B3GALT1: variants seen among roughly 807,000 people sequenced by gnomAD.
B3GALT1 encodes the protein beta-1,3-galactosyltransferase 1, also known as UDP-Gal:betaGlcNAc beta 1,3-galactosyltransferase, polypeptide 1.
In B3GALT1, 10 loss-of-function variants were observed where a neutral mutation model predicts 23.2. That is an observed-to-expected ratio of 0.43 (90% confidence interval 0.27 to 0.73). The LOEUF is 0.73. Ranked by LOEUF, B3GALT1 falls within the 30% of genes least tolerant of loss-of-function variation. B3GALT1 has a pLI of 0.21. For missense variants in B3GALT1, 299 were observed against 405.4 expected, an observed-to-expected ratio of 0.74 and a Z score of 2.25; for synonymous variants, 156 against 141.5, an observed-to-expected ratio of 1.10 and a Z score of -0.73.
chr2:167,748,916 A>G (rs1687692399), intron 3 of B3GALT1, among the ~76,000 whole-genome samples: 1 of 152,164 alleles, frequency 6.6e-6, no homozygotes, highest in Non-Finnish European at 1.5e-5. Flanking sequence ...ACACACATTT[A>G]TTAAGCAACT....
intron 3 of B3GALT1, among the ~76,000 whole-genome samples, chr2:167,695,903 A>G (rs1187878315): frequency 6.6e-6 from 1 of 152,146 alleles, no homozygotes; most frequent in Non-Finnish European, 1.5e-5. Flanking sequence ...ACCAGAGGGA[A>G]AGGAGGCAGG....
intron 2 of B3GALT1, among the ~76,000 whole-genome samples, chr2:167,578,587 C>T (rs1213610408): frequency 1.3e-5 from 2 of 151,566 alleles, no homozygotes; most frequent in Non-Finnish European, 3.0e-5. Flanking sequence ...TCTTCAGCTT[C>T]TGTAATAAGT....
chr2:167,545,624 G>C (rs577315696), intron 2 of B3GALT1, among the ~76,000 whole-genome samples: 301 of 152,190 alleles, frequency 2.0e-3, no homozygotes, highest in Non-Finnish European at 3.6e-3. Context: ...GCACAGTCCT[G>C]TACAGGACTG....
intron 3 of B3GALT1, among the ~76,000 whole-genome samples, chr2:167,703,925 T>TA (rs1403504842): frequency 6.6e-6 from 1 of 152,114 alleles, no homozygotes; most frequent in Non-Finnish European, 1.5e-5. Flanking sequence ...CTCACACCTG[T>TA]AATCCCAGCA....
intron 3 of B3GALT1, among the ~76,000 whole-genome samples, chr2:167,673,032 T>TA (rs61070688): frequency 0.099 from 14,048 of 141,472 alleles, 1,603 homozygotes; most frequent in African/African-American, 0.26. Context: ...AGGTGCAAAA[T>TA]AAAAAAAAAA....
intron 2 of B3GALT1, among the ~76,000 whole-genome samples, chr2:167,515,579 T>C (rs1700088780): frequency 6.6e-6 from 1 of 152,132 alleles, no homozygotes; most frequent in Non-Finnish European, 1.5e-5. Context: ...GTGTTGCTAG[T>C]ATTTTGTCTT....
intron 1 of B3GALT1, among the ~76,000 whole-genome samples, chr2:167,436,917 A>G (rs1296237847): frequency 1.3e-5 from 2 of 152,184 alleles, no homozygotes; most frequent in African/African-American, 4.8e-5. Context: ...GACCATTTAC[A>G]CTATGCAGAC....
chr2:167,645,135 G>A (rs1331545220), intron 2 of B3GALT1, among the ~76,000 whole-genome samples: 1 of 152,130 alleles, frequency 6.6e-6, no homozygotes, highest in Non-Finnish European at 1.5e-5. Flanking sequence ...AGGCCGGCAA[G>A]AGTAAGGGTG....
intron 2 of B3GALT1, among the ~76,000 whole-genome samples, chr2:167,560,307 A>G (rs769455022): frequency 1.3e-5 from 2 of 152,222 alleles, no homozygotes; most frequent in African/African-American, 2.4e-5. Context: ...TAAAGGAAGC[A>G]CTAAACATGG....
intron 4 of B3GALT1, among the ~76,000 whole-genome samples, chr2:167,861,970 G>C (rs1022999022): frequency 2.0e-5 from 3 of 152,304 alleles, no homozygotes; most frequent in South Asian, 4.1e-4. Context: ...TGAGACACCA[G>C]AGGATGGAAG....
chr2:167,656,557 GGAA>G (rs1327620747), intron 3 of B3GALT1, among the ~76,000 whole-genome samples: 1 of 152,044 alleles, frequency 6.6e-6, no homozygotes, highest in Non-Finnish European at 1.5e-5. Context: ...ATGATATTAA[GGAA>G]GAAGAATTAT....
In B3GALT1 at chr2:167,835,111, G is replaced by A. The variant is rs186981445; in HGVS notation, c.-230+16318G>A. Among the ~76,000 whole-genome samples, 22 of 152,304 alleles carry A rather than the reference G, an allele frequency of 1.4e-4. 1 individual carries two copies. Among genetic ancestry groups the A allele is most frequent in the Middle Eastern group, 3.4e-3 (1 of 294 alleles). On this transcript the variant is annotated intron_variant, in intron 4 of 4. Transcript: ENST00000392690. ...AGCTCCCAGCATGAGCGACGCAGAA[G>A]ACGGGTGATTTCTGCATTTCCATCT...
chr2:167,494,985 TTCTG>T (rs1242510275), intron 2 of B3GALT1, among the ~76,000 whole-genome samples: 1 of 152,210 alleles, frequency 6.6e-6, no homozygotes, highest in Non-Finnish European at 1.5e-5. Flanking sequence ...GGTAGACAAT[TTCTG>T]TCTTCAGGAA....
chr2:167,685,874 C>T lies in B3GALT1; in HGVS notation c.-352+38908C>T, dbSNP rs143150813. The stretch of plus-strand genomic sequence containing the variant: ...GGCAAATTTAAATCAGCTAAGGACA[C>T]GCACTGTTTTGTTTGCTTTCTTAAA... On this transcript the variant is annotated intron_variant, in intron 3 of 4. Coordinates refer to ENST00000392690, the MANE Select transcript of B3GALT1 (RefSeq NM_020981.4). Among the ~76,000 whole-genome samples, 128 of 152,310 alleles carry T rather than the reference C, an allele frequency of 8.4e-4. 4 individuals carry two copies. The highest frequency in any genetic ancestry group is 2.4e-3 in the Admixed American group (36 of 15,290).
chr2:167,680,842 A>G (rs1345470479), intron 3 of B3GALT1, among the ~76,000 whole-genome samples: 1 of 152,246 alleles, frequency 6.6e-6, no homozygotes, highest in Non-Finnish European at 1.5e-5. Context: ...AAAATGAAAT[A>G]GATAAAATAA....
chr2:167,774,685 A>C (rs1688132043), intron 3 of B3GALT1, among the ~76,000 whole-genome samples: 1 of 151,356 alleles, frequency 6.6e-6, no homozygotes, highest in African/African-American at 2.4e-5. Context: ...TTTAGTAGAG[A>C]CAGGGTTTCA....
In B3GALT1 at chr2:167,820,740, T is replaced by C. The variant is rs185257700; in HGVS notation, c.-230+1947T>C. 9.6e-4 allele frequency among the ~76,000 whole-genome samples: 147 copies of C among 152,356 alleles called. 2 individuals carry two copies. The highest frequency in any genetic ancestry group is 6.9e-3 in the Admixed American group (106 of 15,306). On this transcript the variant is annotated intron_variant, in intron 4 of 4. Transcript: ENST00000392690. ...TATCCTGACTATTATTATTAGGGGC[T>C]TTAAGACAAAAAGCGTTAAGCTTCG...
chr2:167,553,462 C>T (rs1178961752), intron 2 of B3GALT1, among the ~76,000 whole-genome samples: 1 of 151,974 alleles, frequency 6.6e-6, no homozygotes, highest in East Asian at 1.9e-4. Context: ...TGGCAGATCT[C>T]GATTTATGGG....
At chr2:167,809,484 G>A (rs896163100) in intron 3 of B3GALT1, among the ~76,000 whole-genome samples, 1 of 152,150 alleles carries the variant, frequency 6.6e-6, no homozygotes, top group African/African-American at 2.4e-5. Flanking sequence ...CTTTGTGTTT[G>A]TTAGTTTTCC....
Sources: gnomAD v4.1 joint callset for allele counts (sites outside exome capture counted in the v4.1 genomes callset) on GRCh38, gnomAD v4.1.1 for gene constraint, MANE v1.5 for transcripts, NCBI Gene and HGNC (gene_info 2026-07-23, HGNC 2026-07-21) for gene names.